LDLRAD4: variants seen among roughly 807,000 people sequenced by gnomAD.
LDLRAD4 encodes the protein low-density lipoprotein receptor class A domain-containing protein 4.
In LDLRAD4, 5 loss-of-function variants were observed where a neutral mutation model predicts 17.0. The observed-to-expected ratio is 0.29, with a 90% CI of 0.15 to 0.62. The LOEUF (loss-of-function observed/expected upper bound fraction) is 0.62, where lower values mean the gene tolerates loss of function less well. LDLRAD4 is among the 20% of genes least tolerant of loss of function. The pLI is 0.84. For missense variants in LDLRAD4, 340 were observed against 424.7 expected (o/e 0.80, Z 1.75); for synonymous variants, 168 against 171.8 (o/e 0.98, Z 0.17).
At chr18:13,249,004 T>G (rs764777808) in intron 1 of LDLRAD4, among the ~76,000 whole-genome samples, 1 of 152,222 alleles carries the variant, frequency 6.6e-6, no homozygotes, top group Non-Finnish European at 1.5e-5. Context: ...ACCTGTGGTG[T>G]TTAACTTTCT....
At chr18:13,254,087 A>G (rs1180888427) in intron 1 of LDLRAD4, among the ~76,000 whole-genome samples, 3 of 152,354 alleles carry the variant, frequency 2.0e-5, no homozygotes, top group South Asian at 2.1e-4. Flanking sequence ...AGAGAAGCAT[A>G]AGCCCCGGCG....
At chr18:13,316,306 A>C (rs1038800782) in intron 1 of LDLRAD4, among the ~76,000 whole-genome samples, 2 of 152,228 alleles carry the variant, frequency 1.3e-5, no homozygotes, top group African/African-American at 4.8e-5. Flanking sequence ...CATAGAAATC[A>C]GATGACGATG....
At position 13,630,525 on chromosome 18, in the gene LDLRAD4, T is replaced by C. The variant is rs150279078; in HGVS notation, c.336+9254T>C. On this transcript the variant is annotated intron_variant, in intron 4 of 5. Transcript: ENST00000359446. ...TTCTCACTGTGGAACAGGGGAAAAA[T>C]AGATTTCCAACTATTTGAGGCCATA... Among the ~76,000 whole-genome samples, 1,065 of 152,304 alleles carry C rather than the reference T, an allele frequency of 7.0e-3. 9 individuals are homozygous for C. Among genetic ancestry groups the C allele is most frequent in the African/African-American group, 0.019 (788 of 41,552 alleles).
intron 3 of LDLRAD4, among the ~76,000 whole-genome samples, chr18:13,610,065 T>C (rs2039347801): frequency 6.6e-6 from 1 of 152,110 alleles, no homozygotes; most frequent in South Asian, 2.1e-4. Flanking sequence ...ACAGTAAGTG[T>C]GTTGAGACAC....
intron 1 of LDLRAD4, among the ~76,000 whole-genome samples, chr18:13,334,938 T>C (rs2082033704): frequency 6.6e-6 from 1 of 152,230 alleles, no homozygotes; most frequent in African/African-American, 2.4e-5. Flanking sequence ...TTTTAATTGA[T>C]AAACTTAGCT....
At position 13,254,027 on chromosome 18, in the gene LDLRAD4, A is replaced by G. The variant is rs141229297; in HGVS notation, c.-466-24078A>G. ...AGGAATCCAGGACTCAGATGAGTCA[A>G]TGCAGACCTGCTGCTGGGAGATAGT... On this transcript the variant is annotated intron_variant, in intron 1 of 5. Coordinates refer to the LDLRAD4 transcript ENST00000399848. 3.2e-3 allele frequency among the ~76,000 whole-genome samples: 481 copies of G among 152,324 alleles called. 5 individuals carry two copies. In the Middle Eastern group the frequency reaches 0.034, roughly 11 times the overall value.
At chr18:13,302,536 AC>A (rs544902923) in intron 1 of LDLRAD4, among the ~76,000 whole-genome samples, 2 of 152,132 alleles carry the variant, frequency 1.3e-5, no homozygotes, top group Non-Finnish European at 2.9e-5. Flanking sequence ...AGCCTCAGAG[AC>A]CTTTTACATT....
At chr18:13,436,117 G>A (rs2090638109) in intron 2 of LDLRAD4, among the ~76,000 whole-genome samples, 1 of 152,234 alleles carries the variant, frequency 6.6e-6, no homozygotes, top group Non-Finnish European at 1.5e-5. Flanking sequence ...TCTAGATTAT[G>A]AAGGAGATAA....
At chr18:13,615,981 A>G (rs527552677) in intron 3 of LDLRAD4, 2 of 152,314 alleles carry the variant, frequency 1.3e-5, no homozygotes, top group East Asian at 3.9e-4. Flanking sequence ...TTAATTTTCT[A>G]AGAATGCTAC....
At chr18:13,637,591 C>T (rs147427597) in intron 4 of LDLRAD4, among the ~76,000 whole-genome samples, 145 of 152,192 alleles carry the variant, frequency 9.5e-4, no homozygotes, top group African/African-American at 2.6e-3. Flanking sequence ...TTAGGCTGGG[C>T]GTGGTGGCTC....
chr18:13,652,259 C>G (rs1182540126), exon 6 of LDLRAD4: 1 of 152,178 alleles, frequency 6.6e-6, no homozygotes, highest in African/African-American at 2.4e-5. Context: ...GTTAATGATA[C>G]TGGTTCATTT....
At chr18:13,219,524 GC>G (rs1253247179) in intron 1 of LDLRAD4, among the ~76,000 whole-genome samples, 1 of 152,110 alleles carries the variant, frequency 6.6e-6, no homozygotes, top group Non-Finnish European at 1.5e-5. Context: ...TTTATTGAGG[GC>G]CTACTATGTG....
chr18:13,266,606 A>T (rs529367404), intron 1 of LDLRAD4, among the ~76,000 whole-genome samples: 38 of 152,342 alleles, frequency 2.5e-4, no homozygotes, highest in African/African-American at 8.9e-4. Flanking sequence ...TTGAATTGGC[A>T]TAGTGACCGT....
At chr18:13,500,721 G>C (rs540692274) in intron 3 of LDLRAD4, 1 of 152,168 alleles carries the variant, frequency 6.6e-6, no homozygotes, top group African/African-American at 2.4e-5. Flanking sequence ...GCCCTGAGCT[G>C]CTTTAAATGC....
At chr18:13,313,351 C>T (rs1028363400) in intron 1 of LDLRAD4, among the ~76,000 whole-genome samples, 6 of 152,136 alleles carry the variant, frequency 3.9e-5, no homozygotes, top group African/African-American at 1.4e-4. Flanking sequence ...TGCAAGAAAC[C>T]AATTCCTTCC....
intron 1 of LDLRAD4, among the ~76,000 whole-genome samples, chr18:13,324,872 T>G (rs984752227): frequency 6.6e-6 from 1 of 152,180 alleles, no homozygotes; most frequent in African/African-American, 2.4e-5. Context: ...AGGTGAGTGG[T>G]CGCATTCTTG....
At chr18:13,347,052 G>T (rs2082734047) in intron 1 of LDLRAD4, among the ~76,000 whole-genome samples, 2 of 152,166 alleles carry the variant, frequency 1.3e-5, no homozygotes, top group African/African-American at 4.8e-5. Context: ...TTTTTAACTG[G>T]AGCATTTAGT....
chr18:13,424,010 C>A (rs1209465547), intron 2 of LDLRAD4, among the ~76,000 whole-genome samples: 2 of 152,080 alleles, frequency 1.3e-5, no homozygotes, highest in African/African-American at 4.8e-5. Flanking sequence ...TGGCATGTGC[C>A]TGTAATCCTA....
At chr18:13,301,328 C>T (rs1414401350) in intron 1 of LDLRAD4, among the ~76,000 whole-genome samples, 1 of 151,672 alleles carries the variant, frequency 6.6e-6, no homozygotes, top group African/African-American at 2.4e-5. Context: ...ACCAGATGAG[C>T]TTGAAGGAGA....
Sources: gnomAD v4.1 joint callset for allele counts (sites outside exome capture counted in the v4.1 genomes callset) on GRCh38, gnomAD v4.1.1 for gene constraint, MANE v1.5 for transcripts, NCBI Gene and HGNC (gene_info 2026-07-23, HGNC 2026-07-21) for gene names.